FLRT1: variants seen among roughly 807,000 people sequenced by gnomAD.
FLRT1 encodes the protein fibronectin leucine rich transmembrane protein 1.
Under a neutral mutation model 30.9 loss-of-function variants are expected in FLRT1, and 14 were observed. That is an observed-to-expected ratio of 0.45 (90% CI 0.30 to 0.71). The LOEUF is 0.71. Ranked by LOEUF, FLRT1 falls within the 30% of genes least tolerant of loss-of-function variation. The probability of loss-of-function intolerance (pLI) is 0.08; values close to 1 mark genes in which losing one functional copy is unlikely to be tolerated. For missense variants in FLRT1, 737 were observed against 949.2 expected (o/e 0.78, Z 2.94); for synonymous variants, 368 against 430.4 (o/e 0.85, Z 1.80).
Position 64,118,054 on chromosome 11 carries a change from A to T in FLRT1, c.1787A>T (p.Lys596Ile), listed in dbSNP as rs1475875325. ...AGGGCCTACAACCGGGGCAGCAGGA[A>T]AAAGGATGACTATATGGAGTCAGGG... Reference protein sequence around the residue: ...RERAYNRGSRKKDDYMESGTK... With the variant: ...RERAYNRGSRIKDDYMESGTK... The change falls in exon 3 of 3, where the codon AAA becomes ATA. Residue 596 changes from lysine (K) to isoleucine (I), a missense_variant. Lys to Ile is a moderately radical substitution (Grantham distance 102, BLOSUM62 -3). Transcript: ENST00000682287. 1 of 1,613,496 alleles carries T rather than the reference A, an allele frequency of 6.2e-7. No homozygotes were observed. The highest frequency in any genetic ancestry group is 8.5e-7 in the Non-Finnish European group (1 of 1,179,912).
intron 1 of FLRT1, among the ~76,000 whole-genome samples, chr11:64,076,858 C>T (rs56379738): frequency 0.028 from 4,261 of 152,322 alleles, 187 homozygotes; most frequent in African/African-American, 0.096. Context: ...TTCCTGCCTC[C>T]ATCCCTTGCC....
At chr11:64,054,712 C>G (rs1467481921) in intron 1 of FLRT1, among the ~76,000 whole-genome samples, 1 of 152,246 alleles carries the variant, frequency 6.6e-6, no homozygotes, top group East Asian at 1.9e-4. Context: ...TATCTTGCTC[C>G]CAAATCAACA....
intron 1 of FLRT1, among the ~76,000 whole-genome samples, chr11:64,076,911 T>G (rs961841798): frequency 1.3e-5 from 2 of 152,218 alleles, no homozygotes; most frequent in African/African-American, 4.8e-5. Context: ...GGGCTAAGAC[T>G]TCTTCATGTG....
chr11:64,100,897 A>G (rs1197497796), intron 1 of FLRT1, among the ~76,000 whole-genome samples: 2 of 152,172 alleles, frequency 1.3e-5, no homozygotes, highest in Non-Finnish European at 2.9e-5. Context: ...GACTGAGGAC[A>G]TACAAAGCTG....
At chr11:64,105,659 G>A (rs559596228) in intron 2 of FLRT1, among the ~76,000 whole-genome samples, 1 of 152,312 alleles carries the variant, frequency 6.6e-6, no homozygotes, top group Admixed American at 6.5e-5. Flanking sequence ...GACCCCACAG[G>A]CTTGAGGGGC....
chr11:64,089,252 G>T (rs1047094307), intron 1 of FLRT1, among the ~76,000 whole-genome samples: 3 of 152,204 alleles, frequency 2.0e-5, no homozygotes, highest in African/African-American at 7.2e-5. Context: ...GGCTCTGGGT[G>T]GGGGAGCAGG....
chr11:64,049,788 G>A (rs1337758638), intron 1 of FLRT1, among the ~76,000 whole-genome samples: 3 of 152,206 alleles, frequency 2.0e-5, no homozygotes, highest in Non-Finnish European at 4.4e-5. Flanking sequence ...GCCTGTGGGG[G>A]ACCCACAAGT....
At chr11:64,094,564 G>C (rs746682551) in intron 1 of FLRT1, among the ~76,000 whole-genome samples, 6 of 152,174 alleles carry the variant, frequency 3.9e-5, no homozygotes, top group Admixed American at 3.3e-4. Flanking sequence ...GGCCTCCTGA[G>C]TCATCCATCC....
rs778753938 is a variant in FLRT1, at chr11:64,116,544, A to T, written c.277A>T (p.Ile93Phe). The T allele has an allele frequency of 6.2e-7, 1 of 1,613,970 alleles. No individual in the cohort carries two copies. The highest frequency in any genetic ancestry group is 8.5e-7 in the Non-Finnish European group (1 of 1,179,954). ...ATTLYLQNNQINNAGIPQDLK... is the reference protein window; with the variant it reads ...ATTLYLQNNQFNNAGIPQDLK... ...CACCCTCTACCTGCAGAACAACCAG[A>T]TCAACAACGCCGGCATCCCCCAGGA... The change falls in exon 3 of 3, where the codon ATC (isoleucine) becomes TTC (phenylalanine). Residue 93 changes from isoleucine to phenylalanine, a missense_variant. Coordinates refer to ENST00000682287, the MANE Select transcript of FLRT1 (RefSeq NM_013280.5).
chr11:64,080,500 G>T (rs1590879034), intron 1 of FLRT1, among the ~76,000 whole-genome samples: 1 of 152,110 alleles, frequency 6.6e-6, no homozygotes, highest in Admixed American at 6.5e-5. Context: ...GAAGCCTCAG[G>T]TTTATCATTT....
intron 1 of FLRT1, among the ~76,000 whole-genome samples, chr11:64,068,232 G>A (rs898706778): frequency 6.6e-6 from 1 of 152,200 alleles, no homozygotes; most frequent in African/African-American, 2.4e-5. Flanking sequence ...ACCTCCACGC[G>A]GTGTCAGAAA....
chr11:64,062,844 G>C (rs2000556), intron 1 of FLRT1, among the ~76,000 whole-genome samples: 29,415 of 152,126 alleles, frequency 0.19, 5,368 homozygotes, highest in African/African-American at 0.47. Context: ...GAACTCAGCA[G>C]GGGCACCTCC....
Position 64,096,556 on chromosome 11 carries a change from C to T in FLRT1, c.-1037-6638C>T, listed in dbSNP as rs1944580232. On this transcript the variant is annotated intron_variant, in intron 1 of 2. Transcript: ENST00000682287. This position sits in a 1 kb window ranked among gnomAD's most constrained non-coding sequence, Gnocchi z 4.6. ...TCAGCCCACCGAGTAGCTGGGATTACAGGCGCCTGCCATCACGCCCAGCTA... is the reference window on the plus strand; with the variant it reads ...TCAGCCCACCGAGTAGCTGGGATTATAGGCGCCTGCCATCACGCCCAGCTA... 6.6e-6 allele frequency among the ~76,000 whole-genome samples: 1 copy of T among 152,124 alleles called. No homozygotes were observed. The highest frequency in any genetic ancestry group is 2.4e-5 in the African/African-American group (1 of 41,434).
At chr11:64,069,699 C>T (rs1265221515) in intron 1 of FLRT1, among the ~76,000 whole-genome samples, 3 of 152,196 alleles carry the variant, frequency 2.0e-5, no homozygotes, top group Admixed American at 6.5e-5. Flanking sequence ...GCAGAGCAGG[C>T]GGTGGTGGGG....
chr11:64,070,315 T>A (rs1306213549), intron 1 of FLRT1, among the ~76,000 whole-genome samples: 2 of 152,064 alleles, frequency 1.3e-5, no homozygotes, highest in African/African-American at 2.4e-5. Flanking sequence ...CTCCTCATGT[T>A]CCCTGGGGGC....
intron 1 of FLRT1, among the ~76,000 whole-genome samples, chr11:64,056,912 C>T (rs536308563): frequency 1.3e-5 from 2 of 152,322 alleles, no homozygotes; most frequent in African/African-American, 4.8e-5. Flanking sequence ...CTGCACCCAT[C>T]GGGCTGACAC....
intron 1 of FLRT1, among the ~76,000 whole-genome samples, chr11:64,048,349 C>T (rs1490697258): frequency 2.6e-5 from 4 of 152,218 alleles, no homozygotes; most frequent in African/African-American, 4.8e-5. Flanking sequence ...CTGCCCTGAC[C>T]CGGGGTCAGC....
rs930696384 is a variant in FLRT1 at position 64,064,720 on chromosome 11, C to T, written c.-1038+28561C>T. ...CCCTCCCTGAGTTCTCCTCTCCCCT[C>T]CCTGCCAGCCCCCCAGCAGGCAGCC... On this transcript the variant is annotated intron_variant, in intron 1 of 2. Coordinates refer to ENST00000682287, the MANE Select transcript of FLRT1 (RefSeq NM_013280.5). This position sits in a 1 kb window ranked among gnomAD's most constrained non-coding sequence, Gnocchi z 4.5. Among the ~76,000 whole-genome samples the T allele has an allele frequency of 2.0e-5, 3 of 150,382 alleles. No individual in the cohort carries two copies. Among genetic ancestry groups the T allele is most frequent in the Non-Finnish European group, 4.5e-5 (3 of 67,364 alleles).
intron 1 of FLRT1, among the ~76,000 whole-genome samples, chr11:64,101,247 C>T (rs1449747897): frequency 6.6e-6 from 1 of 152,058 alleles, no homozygotes; most frequent in South Asian, 2.1e-4. Context: ...GTGGGAGACA[C>T]GGCTGGTGGG....
Sources: gnomAD v4.1 joint callset for allele counts (sites outside exome capture counted in the v4.1 genomes callset) on GRCh38, gnomAD v4.1.1 for gene constraint, Gnocchi (gnomAD v3.1) non-coding constraint, MANE v1.5 for transcripts, NCBI Gene and HGNC (gene_info 2026-07-23, HGNC 2026-07-21) for gene names.